The following BBS9 variants were observed in gnomAD, a reference collection of about 807,000 sequenced individuals.
The protein encoded by BBS9 is Bardet-Biedl syndrome 9.
BBS9 carries 89 observed loss-of-function variants against 117.7 expected under a neutral mutation model. The ratio of observed to expected loss-of-function variants is 0.76; its 90% CI spans 0.64 to 0.90. The LOEUF is 0.90. Ranked by LOEUF, BBS9 falls within the 40% of genes least tolerant of loss-of-function variation. BBS9 has a pLI of 0.00. For missense variants in BBS9, 982 were observed against 1,042.2 expected (o/e 0.94, Z 0.80); for synonymous variants, 379 against 370.9 (o/e 1.02, Z -0.25).
intron 5 of BBS9, among the ~76,000 whole-genome samples, chr7:33,199,780 C>T (rs1448684054): frequency 2.6e-5 from 4 of 151,436 alleles, no homozygotes; most frequent in South Asian, 2.1e-4. Flanking sequence ...TTTTAGGCAA[C>T]GAGATCTTAG....
intron 21 of BBS9, among the ~76,000 whole-genome samples, chr7:33,617,602 A>G (rs1865204684): frequency 6.6e-6 from 1 of 152,044 alleles, no homozygotes; most frequent in South Asian, 2.1e-4. Context: ...TAATCATCTT[A>G]AAGAAGCTCA....
At chr7:33,292,748 T>C (rs2128403360) in intron 9 of BBS9, among the ~76,000 whole-genome samples, 1 of 152,184 alleles carries the variant, frequency 6.6e-6, no homozygotes, top group East Asian at 1.9e-4. Context: ...GGGCTCATAC[T>C]TGCTCTCCCA....
chr7:33,147,190 A>G (rs535059788), intron 2 of BBS9, among the ~76,000 whole-genome samples: 1 of 152,172 alleles, frequency 6.6e-6, no homozygotes, highest in Non-Finnish European at 1.5e-5. Context: ...GTGACCTTTC[A>G]AACAGTTTAA....
intron 19 of BBS9, among the ~76,000 whole-genome samples, chr7:33,459,232 T>C (rs1299269443): frequency 1.3e-5 from 2 of 152,070 alleles, no homozygotes; most frequent in African/African-American, 4.8e-5. Context: ...GTTTTAACTA[T>C]CATGTTTTAT....
chr7:33,163,275 T>C (rs1207699285), intron 4 of BBS9, among the ~76,000 whole-genome samples: 1 of 152,190 alleles, frequency 6.6e-6, no homozygotes, highest in Non-Finnish European at 1.5e-5. Context: ...CTCAGGGATA[T>C]TGGTCTAAAA....
downstream of BBS9, among the ~76,000 whole-genome samples, chr7:33,610,782 T>A (rs7791607): frequency 0.36 from 54,613 of 152,004 alleles, 12,893 homozygotes; most frequent in African/African-American, 0.67. Flanking sequence ...TGGGCTCAAA[T>A]GTAAGTACAC....
intron 7 of BBS9, among the ~76,000 whole-genome samples, chr7:33,267,040 G>T (rs1216414174): frequency 5.3e-5 from 8 of 152,056 alleles, no homozygotes; most frequent in Admixed American, 4.6e-4. Context: ...ACCACGCCTG[G>T]CATATATCTA....
At chr7:33,195,934 GA>G (rs993205428) in intron 5 of BBS9, among the ~76,000 whole-genome samples, 5 of 151,942 alleles carry the variant, frequency 3.3e-5, no homozygotes, top group African/African-American at 1.2e-4. Context: ...GACTGAGGTG[GA>G]AAAAAATACT....
chr7:33,353,960 G>T (rs2128675065), intron 15 of BBS9, among the ~76,000 whole-genome samples: 1 of 152,066 alleles, frequency 6.6e-6, no homozygotes, highest in African/African-American at 2.4e-5. Context: ...TAATTTTTAA[G>T]ATTTTGGACC....
chr7:33,168,218 G>A (rs1393056039), intron 4 of BBS9, among the ~76,000 whole-genome samples: 6 of 152,122 alleles, frequency 3.9e-5, no homozygotes, highest in African/African-American at 1.2e-4. Context: ...CCTGAAATTT[G>A]GTTTTGGGAA....
intron 19 of BBS9, among the ~76,000 whole-genome samples, chr7:33,460,986 T>C (rs1839385379): frequency 6.6e-6 from 1 of 152,086 alleles, no homozygotes; most frequent in African/African-American, 2.4e-5. Context: ...AATTATACAA[T>C]ATGTGATCTT....
chr7:33,504,375 C>A (rs1424399204), intron 19 of BBS9, among the ~76,000 whole-genome samples: 2 of 152,136 alleles, frequency 1.3e-5, no homozygotes, highest in Admixed American at 6.5e-5. Flanking sequence ...TGTTTCTGTA[C>A]AGCCCCTCTC....
chr7:33,547,354 G>A (rs1439027103), intron 21 of BBS9, among the ~76,000 whole-genome samples: 5 of 152,144 alleles, frequency 3.3e-5, no homozygotes, highest in Non-Finnish European at 7.4e-5. Context: ...GACATTTAAA[G>A]ACGTTTGAAG....
At chr7:33,146,698 CAAAAAAA>C (rs36056577) in intron 2 of BBS9, among the ~76,000 whole-genome samples, 9 of 81,306 alleles carry the variant, frequency 1.1e-4, no homozygotes, top group Admixed American at 2.7e-4. Flanking sequence ...GGCTCCATCT[CAAAAAAA>C]AAAAAAAAAA....
chr7:33,434,540 T>C lies in BBS9; in HGVS notation c.2115+46396T>C, dbSNP rs148294051. 1.6e-4 allele frequency among the ~76,000 whole-genome samples: 24 copies of C among 152,214 alleles called. No homozygotes were observed. The East Asian group carries it at 4.6e-3, about 29-fold the overall frequency. On this transcript the variant is annotated intron_variant, in intron 19 of 22. Coordinates refer to ENST00000242067, the MANE Select transcript of BBS9 (RefSeq NM_198428.3). The stretch of plus-strand genomic sequence containing the variant: ...CTGTAGCTAAATATTTGAACGGAAA[T>C]ATGGTGTAGGGGTCTGAGCATTCAG...
At chr7:33,522,350 T>G (rs888095372) in intron 20 of BBS9, among the ~76,000 whole-genome samples, 7 of 151,208 alleles carry the variant, frequency 4.6e-5, no homozygotes, top group African/African-American at 9.7e-5. Flanking sequence ...TGAACTAGTT[T>G]ACAGTCCCAC....
intron 21 of BBS9, among the ~76,000 whole-genome samples, chr7:33,592,452 C>A (rs1474554126): frequency 6.6e-6 from 1 of 152,106 alleles, no homozygotes; most frequent in Non-Finnish European, 1.5e-5. Flanking sequence ...TAGTTTGCCA[C>A]TCTGTGTGTA....
intron 9 of BBS9, among the ~76,000 whole-genome samples, chr7:33,293,855 C>G (rs924211278): frequency 7.9e-5 from 12 of 152,070 alleles, no homozygotes; most frequent in Non-Finnish European, 1.3e-4. Flanking sequence ...TTTATTTCAT[C>G]ACTTTCTTCT....
At chr7:33,516,632 G>A (rs1406505658) in intron 20 of BBS9, among the ~76,000 whole-genome samples, 3 of 152,032 alleles carry the variant, frequency 2.0e-5, no homozygotes, top group Non-Finnish European at 4.4e-5. Flanking sequence ...AAAAAGGCAA[G>A]TCCATGACTT....
Sources: allele counts gnomAD v4.1 joint callset (sites outside exome capture counted in the v4.1 genomes callset), GRCh38; gene constraint gnomAD v4.1.1; transcripts MANE v1.5; gene names NCBI Gene and HGNC (gene_info 2026-07-23, HGNC 2026-07-21).